Variants in PARD3 observed in about 807,000 individuals in gnomAD.
PARD3 encodes the protein par-3 family cell polarity regulator.
PARD3 carries 75 observed loss-of-function variants against 155.4 expected under a neutral mutation model. The observed-to-expected ratio is 0.48, with a 90% confidence interval of 0.40 to 0.58. The LOEUF is 0.58. Ranked by LOEUF, PARD3 falls within the 20% of genes least tolerant of loss-of-function variation. The pLI is 0.00. For missense variants in PARD3, 1,642 were observed against 1,721.7 expected, an observed-to-expected ratio of 0.95 and a Z score of 0.82; for synonymous variants, 576 against 610.5, an observed-to-expected ratio of 0.94 and a Z score of 0.83.
Position 34,684,850 on chromosome 10 carries a change from T to C in PARD3, c.222+11468A>G, listed in dbSNP as rs1363511412. On this transcript the variant is annotated intron_variant, in intron 2 of 24. Coordinates refer to ENST00000374788, the MANE Select transcript of PARD3 (RefSeq NM_001184785.2). ...ACACACATATATACACACACACATA[T>C]ATATACATGTATATATATACACACA... is the stretch of plus-strand genomic sequence containing the variant. Among the ~76,000 whole-genome samples, 655 of 109,918 alleles carry C rather than the reference T, an allele frequency of 6.0e-3. 12 individuals carry two copies. Among genetic ancestry groups the C allele is most frequent in the Non-Finnish European group, 8.1e-3 (399 of 49,320 alleles). The allele number at this position is 109,918 out of a possible 152,430, so 72.1% of individuals were successfully genotyped here.
chr10:34,577,327 G>GA lies in PARD3; in HGVS notation c.223-60169dup, dbSNP rs912563494. Among the ~76,000 whole-genome samples the GA allele has an allele frequency of 2.0e-5, 3 of 152,160 alleles. No individual in the cohort carries two copies. The East Asian group carries it at 5.8e-4, about 29-fold the overall frequency. On this transcript the variant is annotated intron_variant, in intron 2 of 24. Coordinates refer to ENST00000374788, the MANE Select transcript of PARD3 (RefSeq NM_001184785.2). ...TGTGTGTTTTCTGAAATTGCTTGGG[G>GA]AAAAAAATCTTCCAAATATGTCCAT...
At chr10:34,709,273 A>G (rs961774827) in intron 1 of PARD3, among the ~76,000 whole-genome samples, 2 of 152,216 alleles carry the variant, frequency 1.3e-5, no homozygotes, top group Non-Finnish European at 2.9e-5. Context: ...CACGAAACCA[A>G]GTTTGTATTA....
chr10:34,604,558 ACT>A (rs955476481), intron 2 of PARD3, among the ~76,000 whole-genome samples: 2 of 148,546 alleles, frequency 1.3e-5, no homozygotes, highest in African/African-American at 4.9e-5. Context: ...TATTTAATAA[ACT>A]CTCCTTTATT....
At chr10:34,646,554 C>T (rs1426434357) in intron 2 of PARD3, among the ~76,000 whole-genome samples, 1 of 152,228 alleles carries the variant, frequency 6.6e-6, no homozygotes, top group African/African-American at 2.4e-5. Flanking sequence ...GCAGGATCAT[C>T]ACCACTAATA....
Position 34,611,575 on chromosome 10 carries a change from T to G in PARD3, c.222+84743A>C, listed in dbSNP as rs114724901. Among the ~76,000 whole-genome samples the G allele has an allele frequency of 1.3e-3, 200 of 152,266 alleles. 1 individual carries two copies. The highest frequency in any genetic ancestry group is 4.5e-3 in the African/African-American group (185 of 41,548). Reference sequence around the variant, plus strand: ...TTAACTTGACAAATCACAAGATTAATACTATTTTAGAATCCCTTCCTTCTA... The same window carrying G: ...TTAACTTGACAAATCACAAGATTAAGACTATTTTAGAATCCCTTCCTTCTA... On this transcript the variant is annotated intron_variant, in intron 2 of 24. Coordinates refer to ENST00000374788, the MANE Select transcript of PARD3 (RefSeq NM_001184785.2).
intron 2 of PARD3, among the ~76,000 whole-genome samples, chr10:34,586,277 G>A (rs2088036863): frequency 6.6e-6 from 1 of 152,188 alleles, no homozygotes; most frequent in Non-Finnish European, 1.5e-5. Flanking sequence ...AGGAATTCAG[G>A]ATCAAGAATT....
chr10:34,327,361 TG>T (rs1190424498), intron 19 of PARD3, among the ~76,000 whole-genome samples: 1 of 151,952 alleles, frequency 6.6e-6, no homozygotes, highest in Non-Finnish European at 1.5e-5. Flanking sequence ...ACAGGAAGAA[TG>T]TAAGTGCTGC....
chr10:34,155,892 G>A (rs1259378409), intron 22 of PARD3, among the ~76,000 whole-genome samples: 1 of 152,088 alleles, frequency 6.6e-6, no homozygotes, highest in Non-Finnish European at 1.5e-5. Context: ...CACTCACAAT[G>A]CACAACCTGT....
chr10:34,528,961 C>T (rs144140603), intron 2 of PARD3, among the ~76,000 whole-genome samples: 17 of 152,142 alleles, frequency 1.1e-4, no homozygotes, highest in Middle Eastern at 3.4e-3. Flanking sequence ...TGGATGGGTG[C>T]CATTATGAAG....
intron 1 of PARD3, among the ~76,000 whole-genome samples, chr10:34,733,946 CTGTT>C (rs1251502929): frequency 1.5e-5 from 2 of 132,998 alleles, no homozygotes; most frequent in Non-Finnish European, 3.4e-5. Context: ...AAAATCAAAG[CTGTT>C]TTTTTTTTTT....
intron 2 of PARD3, among the ~76,000 whole-genome samples, chr10:34,530,043 A>G (rs1396220458): frequency 6.6e-6 from 1 of 152,066 alleles, no homozygotes; most frequent in Non-Finnish European, 1.5e-5. Context: ...CAGAAAATAT[A>G]TTTAATAATC....
At chr10:34,535,891 G>A (rs936123451) in intron 2 of PARD3, among the ~76,000 whole-genome samples, 7 of 151,844 alleles carry the variant, frequency 4.6e-5, no homozygotes, top group Non-Finnish European at 1.0e-4. Flanking sequence ...TCAAAATTTT[G>A]TTGGTACAAA....
intron 22 of PARD3, among the ~76,000 whole-genome samples, chr10:34,201,270 A>C (rs538309034): frequency 5.3e-5 from 8 of 152,346 alleles, no homozygotes; most frequent in African/African-American, 1.9e-4. Flanking sequence ...TACCGCACTC[A>C]ATGAATGCTG....
intron 15 of PARD3, chr10:34,344,907 T>C: frequency 1.0e-6 from 1 of 985,364 alleles, no homozygotes; most frequent in Non-Finnish European, 1.2e-6. Flanking sequence ...TTAATTAATG[T>C]ATTTGCTCCA....
At chr10:34,532,939 T>C (rs2082958269) in intron 2 of PARD3, among the ~76,000 whole-genome samples, 1 of 152,202 alleles carries the variant, frequency 6.6e-6, no homozygotes, top group African/African-American at 2.4e-5. Context: ...AACCTGGAGG[T>C]ATACCCTATT....
rs1199343437 is a variant in PARD3, at chr10:34,331,157, A to G, written c.2793T>C (p.Asp931=). ...CATCATCATCATCTACCGCGGGTTT[A>G]TCATAAGATTTGTCGATGGCAGCTC... ...SFRAAIDKSY[D]KPAVDDDDEG... The change falls in exon 19 of 25, where the codon GAT becomes GAC. Residue 931 remains aspartate (D), a synonymous_variant. Transcript: ENST00000374788. The G allele has an allele frequency of 6.2e-7, 1 of 1,613,906 alleles. No individual in the cohort carries two copies. Among genetic ancestry groups the G allele is most frequent in the African/African-American group, 1.3e-5 (1 of 74,898 alleles).
chr10:34,693,402 T>C (rs2094106709), intron 2 of PARD3, among the ~76,000 whole-genome samples: 1 of 152,200 alleles, frequency 6.6e-6, no homozygotes, highest in South Asian at 2.1e-4. Context: ...AAACATACCA[T>C]GGAACACTAG....
intron 2 of PARD3, among the ~76,000 whole-genome samples, chr10:34,537,877 A>G (rs1378592292): frequency 6.6e-6 from 1 of 152,216 alleles, no homozygotes; most frequent in Non-Finnish European, 1.5e-5. Flanking sequence ...TAAACAAACC[A>G]CTAATAAGCT....
chr10:34,343,536 G>A (rs958377511), intron 15 of PARD3: 1 of 985,080 alleles, frequency 1.0e-6, no homozygotes, highest in African/African-American at 1.7e-5. Flanking sequence ...TGAAAGGCTA[G>A]TATTTCCACA....
Sources: allele counts gnomAD v4.1 joint callset (sites outside exome capture counted in the v4.1 genomes callset), GRCh38; gene constraint gnomAD v4.1.1; transcripts MANE v1.5; gene names NCBI Gene and HGNC (gene_info 2026-07-23, HGNC 2026-07-21).